The following HHAT variants were observed in gnomAD, a reference collection of about 807,000 sequenced individuals.
The protein encoded by HHAT is hedgehog acyltransferase, also known as protein-cysteine N-palmitoyltransferase HHAT.
A neutral mutation model predicts 70.8 loss-of-function variants in HHAT; 47 were observed. That is an observed-to-expected ratio of 0.66 (90% CI 0.53 to 0.85). HHAT has a LOEUF of 0.85. Ranked by LOEUF, HHAT falls within the 40% of genes least tolerant of loss-of-function variation. HHAT has a pLI of 0.00. For synonymous variants in HHAT, 228 were observed against 247.6 expected, an observed-to-expected ratio of 0.92 and a Z score of 0.74; for missense variants, 609 against 604.8, an observed-to-expected ratio of 1.01 and a Z score of -0.07.
At chr1:210,420,011 T>A (rs1031014730) in intron 7 of HHAT, among the ~76,000 whole-genome samples, 1 of 152,140 alleles carries the variant, frequency 6.6e-6, no homozygotes, top group African/African-American at 2.4e-5. Context: ...ATTATGTGAC[T>A]CTGATGTCAC....
At chr1:210,587,214 A>G (rs902966002) in intron 9 of HHAT, among the ~76,000 whole-genome samples, 5 of 152,246 alleles carry the variant, frequency 3.3e-5, no homozygotes, top group Non-Finnish European at 7.3e-5. Context: ...ATTTATAAAG[A>G]AAAAACACTT....
chr1:210,471,565 A>T (rs2206608), intron 8 of HHAT, among the ~76,000 whole-genome samples: 101,369 of 151,810 alleles, frequency 0.67, 34,116 homozygotes, highest in African/African-American at 0.72. Flanking sequence ...ACAGAGGAAG[A>T]TGAGGAACTG....
intron 11 of HHAT, among the ~76,000 whole-genome samples, chr1:210,649,716 A>T (rs569423508): frequency 1.3e-5 from 2 of 152,342 alleles, no homozygotes; most frequent in Non-Finnish European, 2.9e-5. Flanking sequence ...GGTAATGGGA[A>T]AGCAGAATGT....
chr1:210,647,308 A>G (rs1014898976), intron 11 of HHAT, among the ~76,000 whole-genome samples: 7 of 152,204 alleles, frequency 4.6e-5, no homozygotes, highest in Admixed American at 3.3e-4. Flanking sequence ...TTACATCTGC[A>G]AAGATCCCAC....
intron 7 of HHAT, among the ~76,000 whole-genome samples, chr1:210,435,064 G>A (rs2093343292): frequency 6.6e-6 from 1 of 151,792 alleles, no homozygotes; most frequent in Non-Finnish European, 1.5e-5. Flanking sequence ...CTATTGAACA[G>A]CAGGTCTTCT....
At chr1:210,463,635 T>G (rs558247710) in intron 7 of HHAT, among the ~76,000 whole-genome samples, 21 of 152,302 alleles carry the variant, frequency 1.4e-4, no homozygotes, top group Middle Eastern at 3.4e-3. Context: ...TGAACATATG[T>G]TTTGTGTGAA....
intron 8 of HHAT, among the ~76,000 whole-genome samples, chr1:210,504,785 A>G (rs527474669): frequency 6.6e-6 from 1 of 152,032 alleles, no homozygotes; most frequent in East Asian, 1.9e-4. Context: ...CTACTTTTCT[A>G]TCAGACCTTG....
At chr1:210,329,733 C>A (rs1042229266) in intron 1 of HHAT, among the ~76,000 whole-genome samples, 1 of 152,122 alleles carries the variant, frequency 6.6e-6, no homozygotes, top group Non-Finnish European at 1.5e-5. Flanking sequence ...GACATTGCTT[C>A]TCTTTCTGTT....
intron 11 of HHAT, among the ~76,000 whole-genome samples, chr1:210,646,447 T>G (rs12097792): frequency 0.3 from 44,918 of 152,072 alleles, 7,174 homozygotes; most frequent in East Asian, 0.45. Context: ...TTAGGCCTAA[T>G]GAAGAGGCTG....
chr1:210,560,861 A>T (rs1307037217), intron 9 of HHAT, among the ~76,000 whole-genome samples: 2 of 141,532 alleles, frequency 1.4e-5, no homozygotes, highest in Non-Finnish European at 3.1e-5. Flanking sequence ...ACCAGAGTAG[A>T]ATGTGGTGGA....
At chr1:210,632,597 C>CA (rs1162025537) in intron 11 of HHAT, among the ~76,000 whole-genome samples, 1 of 152,198 alleles carries the variant, frequency 6.6e-6, no homozygotes, top group Non-Finnish European at 1.5e-5. Context: ...CCTATTGGCA[C>CA]AACTGCCGGC....
chr1:210,543,178 T>A (rs948340731), intron 9 of HHAT, among the ~76,000 whole-genome samples: 5 of 152,062 alleles, frequency 3.3e-5, no homozygotes, highest in Non-Finnish European at 7.4e-5. Context: ...CAGACATTTT[T>A]AAAAAAAGAA....
At chr1:210,523,408 C>T (rs1224648870) in intron 9 of HHAT, among the ~76,000 whole-genome samples, 2 of 152,182 alleles carry the variant, frequency 1.3e-5, no homozygotes, top group African/African-American at 2.4e-5. Flanking sequence ...CTTCCTCTCT[C>T]TACCTCGATA....
intron 8 of HHAT, among the ~76,000 whole-genome samples, chr1:210,493,823 A>G (rs2094588834): frequency 6.6e-6 from 1 of 152,178 alleles, no homozygotes; most frequent in Non-Finnish European, 1.5e-5. Context: ...TTACTTACCC[A>G]TATTAAACTT....
chr1:210,381,694 A>C (rs1188164895), intron 3 of HHAT, among the ~76,000 whole-genome samples: 2 of 152,210 alleles, frequency 1.3e-5, no homozygotes, highest in South Asian at 4.1e-4. Flanking sequence ...AGACATAATA[A>C]AACAGTGCTC....
chr1:210,441,706 A>G (rs1258705540), intron 7 of HHAT, among the ~76,000 whole-genome samples: 1 of 152,132 alleles, frequency 6.6e-6, no homozygotes, highest in African/African-American at 2.4e-5. Flanking sequence ...GTATTTGTTC[A>G]TTGACATCTT....
At chr1:210,353,156 G>C (rs989592878) in intron 2 of HHAT, among the ~76,000 whole-genome samples, 3 of 151,872 alleles carry the variant, frequency 2.0e-5, no homozygotes. Flanking sequence ...AGCTGGTCTC[G>C]AATTCCTGAC....
chr1:210,615,204 A>G (rs1370315285), intron 10 of HHAT, among the ~76,000 whole-genome samples: 1 of 152,182 alleles, frequency 6.6e-6, no homozygotes, highest in Non-Finnish European at 1.5e-5. Flanking sequence ...GCTGCATTAA[A>G]TGTCTCCTTT....
chr1:210,620,839 C>G (rs1215154840), intron 10 of HHAT, among the ~76,000 whole-genome samples: 1 of 151,220 alleles, frequency 6.6e-6, no homozygotes, highest in Admixed American at 6.6e-5. Flanking sequence ...GTTGCCCCCC[C>G]TCTCCTTCCT....
Sources: allele counts gnomAD v4.1 joint callset (sites outside exome capture counted in the v4.1 genomes callset), GRCh38; gene constraint gnomAD v4.1.1; transcripts MANE v1.5; gene names NCBI Gene and HGNC (gene_info 2026-07-23, HGNC 2026-07-21).